The following NBAS variants were observed in gnomAD, a reference collection of about 807,000 sequenced individuals.
NBAS encodes the protein NBAS subunit of NRZ tethering complex.
Under a neutral mutation model 302.5 loss-of-function variants are expected in NBAS, and 219 were observed. The observed-to-expected ratio is 0.72, with a 90% CI of 0.65 to 0.81. The LOEUF (loss-of-function observed/expected upper bound fraction) is 0.81, where lower values mean the gene tolerates loss of function less well. Ranked by LOEUF, NBAS falls within the 30% of genes least tolerant of loss-of-function variation. NBAS has a pLI of 0.00. For missense variants in NBAS, 2,932 were observed against 2,841.6 expected, an observed-to-expected ratio of 1.03 and a Z score of -0.72; for synonymous variants, 1,118 against 1,021.6, an observed-to-expected ratio of 1.09 and a Z score of -1.80.
the NBAS span, among the ~76,000 whole-genome samples, chr2:14,967,756 G>C: frequency 2.0e-5 from 3 of 152,220 alleles, no homozygotes. Flanking sequence ...CAATATCATC[G>C]ACAAAGGTAA....
intron 40 of NBAS, among the ~76,000 whole-genome samples, chr2:15,306,255 A>G (rs1009820979): frequency 1.2e-4 from 19 of 152,258 alleles, no homozygotes; most frequent in African/African-American, 4.3e-4. Context: ...GTTATATAAA[A>G]TAAGTATCTG....
At chr2:15,393,607 A>G in intron 28 of NBAS, 1 of 453,082 alleles carries the variant, frequency 2.2e-6, no homozygotes, top group African/African-American at 2.0e-5. Flanking sequence ...TATTTGTCTG[A>G]GAGAAATGAA....
chr2:15,188,186 C>T (rs1665176510), intron 49 of NBAS, among the ~76,000 whole-genome samples: 1 of 152,204 alleles, frequency 6.6e-6, no homozygotes, highest in South Asian at 2.1e-4. Flanking sequence ...ATGAATCTTC[C>T]TTAAGTACAA....
chr2:15,372,620 T>A (rs1365787618), intron 31 of NBAS, among the ~76,000 whole-genome samples: 2 of 152,196 alleles, frequency 1.3e-5, no homozygotes, highest in African/African-American at 2.4e-5. Flanking sequence ...TATTCCATCT[T>A]CACATCCAGA....
the NBAS span, among the ~76,000 whole-genome samples, chr2:15,149,105 A>G: frequency 0.12 from 18,934 of 152,238 alleles, 1,607 homozygotes; most frequent in Non-Finnish European, 0.19. Flanking sequence ...TTGCATCCTC[A>G]ATGTAACGGT....
the NBAS span, among the ~76,000 whole-genome samples, chr2:15,063,932 T>C: frequency 7.0e-4 from 106 of 152,244 alleles, no homozygotes; most frequent in African/African-American, 2.3e-3. Context: ...ATATAAGATA[T>C]AGAGTGTGGA....
At chr2:15,278,585 T>C (rs1000295749) in intron 42 of NBAS, among the ~76,000 whole-genome samples, 2 of 152,164 alleles carry the variant, frequency 1.3e-5, no homozygotes, top group African/African-American at 2.4e-5. Context: ...GCCAAATAGA[T>C]GAGTGGATGA....
the NBAS span, among the ~76,000 whole-genome samples, chr2:15,012,862 A>G: frequency 1.4e-5 from 2 of 147,564 alleles, no homozygotes; most frequent in African/African-American, 4.9e-5. Context: ...AAACTATGGA[A>G]TTTTTTTTTT....
At chr2:14,837,557 G>A in the NBAS span, among the ~76,000 whole-genome samples, 2 of 151,420 alleles carry the variant, frequency 1.3e-5, no homozygotes, top group African/African-American at 4.8e-5. Context: ...AGTTTTCTTG[G>A]TGGGAAAGCT....
the NBAS span, among the ~76,000 whole-genome samples, chr2:14,848,237 G>C: frequency 6.6e-6 from 1 of 151,150 alleles, no homozygotes; most frequent in Non-Finnish European, 1.5e-5. Flanking sequence ...TGCGAGAGCC[G>C]AAGCAGGGCG....
chr2:15,011,015 T>C, the NBAS span, among the ~76,000 whole-genome samples: 1 of 152,198 alleles, frequency 6.6e-6, no homozygotes. Flanking sequence ...AGCCATTGAT[T>C]TGTTTTATTG....
the NBAS span, among the ~76,000 whole-genome samples, chr2:14,945,487 T>C: frequency 6.6e-6 from 1 of 152,218 alleles, no homozygotes; most frequent in Non-Finnish European, 1.5e-5. Flanking sequence ...ATGAGCTCTC[T>C]GATCAAGAAT....
At chr2:15,384,985 CA>C in intron 28 of NBAS, among the ~76,000 whole-genome samples, 1 of 90,674 alleles carries the variant, frequency 1.1e-5, no homozygotes, top group African/African-American at 3.7e-5. Context: ...ATCATTACAG[CA>C]AAAAATATAG....
chr2:15,295,383 G>A (rs543350819), intron 40 of NBAS, among the ~76,000 whole-genome samples: 27 of 152,294 alleles, frequency 1.8e-4, no homozygotes, highest in African/African-American at 6.3e-4. Flanking sequence ...TGAATAAAAT[G>A]ACACAGCACA....
the NBAS span, among the ~76,000 whole-genome samples, chr2:15,097,927 T>C: frequency 8.7e-6 from 1 of 114,872 alleles, no homozygotes; most frequent in Non-Finnish European, 1.7e-5. Context: ...ATATATTATA[T>C]ATATTACATA....
intron 28 of NBAS, among the ~76,000 whole-genome samples, chr2:15,392,589 C>T (rs565809085): frequency 4.6e-5 from 7 of 151,956 alleles, no homozygotes; most frequent in African/African-American, 1.7e-4. Flanking sequence ...GAATAGTACA[C>T]TGAAAACTAC....
At chr2:15,248,313 G>C (rs910103712) in intron 44 of NBAS, among the ~76,000 whole-genome samples, 2 of 152,162 alleles carry the variant, frequency 1.3e-5, no homozygotes, top group African/African-American at 4.8e-5. Flanking sequence ...AGTGTGTAGA[G>C]GGAAATTTAT....
intron 21 of NBAS, among the ~76,000 whole-genome samples, chr2:15,438,245 T>A (rs549244992): frequency 1.3e-5 from 2 of 152,202 alleles, no homozygotes; most frequent in African/African-American, 4.8e-5. Flanking sequence ...ATTAACCTTA[T>A]AGTACACACC....
the NBAS span, among the ~76,000 whole-genome samples, chr2:14,849,780 A>T: frequency 1.0e-3 from 143 of 140,026 alleles, no homozygotes; most frequent in African/African-American, 4.3e-3. Flanking sequence ...AATATTCAAC[A>T]TTCTTAAAGA....
Sources: allele counts gnomAD v4.1 joint callset (sites outside exome capture counted in the v4.1 genomes callset), GRCh38; gene constraint gnomAD v4.1.1; transcripts MANE v1.5; gene names NCBI Gene and HGNC (gene_info 2026-07-23, HGNC 2026-07-21).